TMEM80: variants seen among roughly 807,000 people sequenced by gnomAD.
TMEM80 encodes transmembrane protein 80.
Under a neutral mutation model 13.6 loss-of-function variants are expected in TMEM80, and 16 were observed. The ratio of observed to expected loss-of-function variants is 1.17; its 90% CI spans 0.79 to 1.78. TMEM80 has a LOEUF of 1.78. Among genes scored for constraint, TMEM80 ranks in the 40% most tolerant of loss-of-function variants. The probability of loss-of-function intolerance (pLI) is 0.00; values close to 1 mark genes in which losing one functional copy is unlikely to be tolerated. For missense variants in TMEM80, 167 were observed against 184.6 expected, an observed-to-expected ratio of 0.90 and a Z score of 0.55; for synonymous variants, 92 against 89.5, an observed-to-expected ratio of 1.03 and a Z score of -0.16.
At chr11:704,923 G>A (rs1019783942), downstream of TMEM80, 5 of 349,676 alleles carry the variant, frequency 1.4e-5, no homozygotes, top group South Asian at 4.3e-5. Context: ...CGGGTGCACC[G>A]AGGGGTTGGC....
chr11:696,142 G>T (rs964927147), intron 1 of TMEM80, among the ~76,000 whole-genome samples: 2 of 152,188 alleles, frequency 1.3e-5, no homozygotes, highest in African/African-American at 4.8e-5. Flanking sequence ...CGTGGTTTTT[G>T]TGAAGACACG....
intron 1 of TMEM80, among the ~76,000 whole-genome samples, chr11:697,293 A>G (rs1861239888): frequency 6.6e-6 from 1 of 152,182 alleles, no homozygotes; most frequent in African/African-American, 2.4e-5. Context: ...ATTTCTTAAC[A>G]CATCTTGTCC....
intron 3 of TMEM80, 28 bp downstream of exon 3, chr11:700,263 A>T: frequency 6.3e-7 from 1 of 1,595,028 alleles, no homozygotes; most frequent in Non-Finnish European, 8.6e-7. Context: ...ACAGTGGCTC[A>T]CGCCTGTAAT....
intron 4 of TMEM80, chr11:700,942 G>C (rs1343729830): frequency 3.5e-6 from 2 of 575,926 alleles, no homozygotes; most frequent in South Asian, 4.1e-5. Context: ...GTGTTTGGAA[G>C]CATGTCTTGT....
At chr11:704,169 T>G, downstream of TMEM80, 1 of 1,086,488 alleles carries the variant, frequency 9.2e-7, no homozygotes, top group East Asian at 7.0e-5. Context: ...CCATCTCCAG[T>G]TCTCCTGCCC....
chr11:696,719 T>TTGCGCCACTGCACTCCAGCCTG (rs1861187375), intron 1 of TMEM80, among the ~76,000 whole-genome samples: 1 of 151,908 alleles, frequency 6.6e-6, no homozygotes, highest in African/African-American at 2.4e-5. Context: ...TGAGCCGTGA[T>TTGCGCCACTGCACTCCAGCCTG]GGCGCCACTG....
chr11:698,841 C>A lies in TMEM80; in HGVS notation c.20-28C>A, dbSNP rs117144320. 2,456 of 1,614,058 alleles carry A rather than the reference C, an allele frequency of 1.5e-3. 24 individuals are homozygous for A. In the African/African-American group the frequency reaches 0.021, roughly 14 times the overall value. The stretch of plus-strand genomic sequence containing the variant: ...GGAAAGCATCCTGGTGGCTGTCAGG[C>A]CTTGCTCACGGCCCCTTTCTCTTTC... On this transcript the variant is annotated intron_variant, in intron 1 of 4. Transcript: ENST00000397510.
In TMEM80 at chr11:696,180, A is replaced by C. The variant is rs181319163; in HGVS notation, c.19+334A>C. Among the ~76,000 whole-genome samples the C allele has an allele frequency of 2.8e-4, 43 of 152,192 alleles. No homozygotes were observed. The East Asian group carries it at 5.4e-3, about 19-fold the overall frequency. On this transcript the variant is annotated intron_variant, in intron 1 of 4. Coordinates refer to ENST00000397510, the MANE Select transcript of TMEM80 (RefSeq NM_001042463.3). ...GGCGGGATGGGCGCAGGGTTTCGGT[A>C]GCCTTGGAACTCTCGCCAAAGAAAA...
intron 1 of TMEM80, among the ~76,000 whole-genome samples, chr11:697,194 C>T (rs1590032547): frequency 6.6e-6 from 1 of 151,236 alleles, no homozygotes; most frequent in Non-Finnish European, 1.5e-5. Flanking sequence ...GTTGAGACTG[C>T]AGTGAGCTGT....
At position 703,201 on chromosome 11, in the gene TMEM80, C is replaced by G. The variant is rs1435497556; in HGVS notation, c.*51C>G. 1 of 1,538,664 alleles carries G rather than the reference C, an allele frequency of 6.5e-7. No homozygotes were observed. The highest frequency in any genetic ancestry group is 1.4e-5 in the African/African-American group (1 of 73,210). On this transcript the variant is annotated 3_prime_UTR_variant, in exon 5 of 5. Coordinates refer to ENST00000397510, the MANE Select transcript of TMEM80 (RefSeq NM_001042463.3). ...CTGGGGCCCTCCTCCTGGGCCTGAC[C>G]AGTCCCCCAGCTGTCACCTCCCCAT... is the stretch of plus-strand genomic sequence containing the variant.
rs199713080 is a variant in TMEM80 at position 698,889 on chromosome 11, G to A, written c.39+1G>A. On this transcript the variant is annotated splice_donor_variant, in intron 2 of 4. Transcript: ENST00000397510. LOFTEE classifies it high-confidence loss of function. ...TTCAGGGAGAGGATCCTCCACAGTGGTATCCTGCTGCGTGCCCCTCCAGGA... is the reference window on the plus strand; with the variant it reads ...TTCAGGGAGAGGATCCTCCACAGTGATATCCTGCTGCGTGCCCCTCCAGGA... The A allele has an allele frequency of 2.5e-4, 410 of 1,613,986 alleles. 1 individual carries two copies. Among genetic ancestry groups the A allele is most frequent in the Non-Finnish European group, 3.3e-4 (389 of 1,180,048 alleles).
At chr11:704,460 G>C (rs548185172), downstream of TMEM80, 1 of 1,289,286 alleles carries the variant, frequency 7.8e-7, no homozygotes, top group South Asian at 1.2e-5. Context: ...GTGAGCTGCA[G>C]GACAGCCCTG....
At chr11:697,153 C>G (rs1861230118) in intron 1 of TMEM80, among the ~76,000 whole-genome samples, 1 of 151,294 alleles carries the variant, frequency 6.6e-6, no homozygotes. Flanking sequence ...ACGTGGGAGG[C>G]TGAGGCTGGC....
At chr11:700,558 G>A (rs952982610) in intron 3 of TMEM80, 57 bp from the exon 4 acceptor site, 11 of 1,358,652 alleles carry the variant, frequency 8.1e-6, no homozygotes, top group Non-Finnish European at 1.1e-5. Context: ...GCAAGCTGAG[G>A]TGGCTGCTGC....
chr11:703,476 C>T lies in TMEM80; in HGVS notation c.*326C>T, dbSNP rs911611762. The stretch of plus-strand genomic sequence containing the variant: ...CAGGCCTCCACAGACCCCCATGGGC[C>T]CCCAGGGCCGAGAGGGAGGACAGAG... On this transcript the variant is annotated 3_prime_UTR_variant, in exon 5 of 5. Coordinates refer to ENST00000397510, the MANE Select transcript of TMEM80 (RefSeq NM_001042463.3). The T allele has an allele frequency of 4.0e-6, 5 of 1,257,532 alleles. No individual in the cohort carries two copies. The highest frequency in any genetic ancestry group is 5.0e-6 in the Non-Finnish European group (5 of 1,003,260). 77.9% of individuals were successfully genotyped at this position (1,257,532 alleles called of 1,614,324 possible).
chr11:703,120 G>T lies in TMEM80; in HGVS notation c.402G>T (p.Gln134His). 1 of 1,609,336 alleles carries T rather than the reference G, an allele frequency of 6.2e-7. No homozygotes were observed. Among genetic ancestry groups the T allele is most frequent in the Non-Finnish European group, 8.5e-7 (1 of 1,177,348 alleles). Reference sequence around the variant, plus strand: ...TTCACGGCCTGGAGGCCGTCCTGCAGGTGGTTGCCATCGCGGCCTTCACCA... The same window carrying T: ...TTCACGGCCTGGAGGCCGTCCTGCATGTGGTTGCCATCGCGGCCTTCACCA... ...LALHGLEAVLQVVAIAAFTR is the reference protein window; with the variant it reads ...LALHGLEAVLHVVAIAAFTR Residue 134 changes from glutamine (Q) to histidine (H), a missense_variant, in exon 5 of 5, where the codon CAG (glutamine) becomes CAT (histidine). Coordinates refer to ENST00000397510, the MANE Select transcript of TMEM80 (RefSeq NM_001042463.3).
chr11:700,477 A>G (rs1309733337), intron 3 of TMEM80, 138 bp from the exon 4 acceptor site: 50 of 798,886 alleles, frequency 6.3e-5, no homozygotes, highest in Non-Finnish European at 1.0e-4. Context: ...CAGTGAGCCA[A>G]GATTGCGCCA....
At chr11:700,409 C>T (rs1861395555) in intron 3 of TMEM80, among the ~76,000 whole-genome samples, 174 bp downstream of exon 3, 1 of 151,930 alleles carries the variant, frequency 6.6e-6, no homozygotes, top group Non-Finnish European at 1.5e-5. Context: ...CGCCTGTAGT[C>T]CCAGCTACTC....
rs1460558130 is a variant in TMEM80 at position 703,001 on chromosome 11, ACGGCTGGCAC to A, written c.286_295del (p.Ala96ProfsTer13). On this transcript the variant is annotated frameshift_variant, in exon 5 of 5. Transcript: ENST00000397510. LOFTEE classifies it low-confidence loss of function (END_TRUNC). ...GCCGCTGGCCGCCAGCCTGGCCCTC[ACGGCTGGCAC>A]CGCCCTCCTCTCTGCCCACTTCCTG... 4.3e-6 allele frequency: 7 copies of A among 1,611,848 alleles called. No individual in the cohort carries two copies. The highest frequency in any genetic ancestry group is 5.1e-6 in the Non-Finnish European group (6 of 1,179,700).
Sources: allele counts gnomAD v4.1 joint callset (sites outside exome capture counted in the v4.1 genomes callset), GRCh38; gene constraint gnomAD v4.1.1; transcripts MANE v1.5; gene names NCBI Gene and HGNC (gene_info 2026-07-23, HGNC 2026-07-21).